MCMDC2: variants seen among roughly 807,000 people sequenced by gnomAD.
The protein encoded by MCMDC2 is minichromosome maintenance domain-containing protein 2.
A neutral mutation model predicts 75.8 loss-of-function variants in MCMDC2; 54 were observed. The ratio of observed to expected loss-of-function variants is 0.71; its 90% CI spans 0.57 to 0.89. The LOEUF (loss-of-function observed/expected upper bound fraction) is 0.89. Ranked by LOEUF, MCMDC2 falls within the 40% of genes least tolerant of loss-of-function variation. The probability of loss-of-function intolerance (pLI) is 0.00; values close to 1 mark genes in which losing one functional copy is unlikely to be tolerated. For synonymous variants in MCMDC2, 249 were observed against 274.6 expected (o/e 0.91, Z 0.92); for missense variants, 656 against 780.4 (o/e 0.84, Z 1.90).
chr8:66,894,405 A>G lies in MCMDC2; in HGVS notation c.1280-1765A>G, dbSNP rs185812627. Among the ~76,000 whole-genome samples the G allele has an allele frequency of 9.5e-4, 145 of 152,360 alleles. 1 individual carries two copies. Among genetic ancestry groups the G allele is most frequent in the African/African-American group, 3.2e-3 (135 of 41,590 alleles). ...GAAAATGACACAGGAGGAAAGGGAA[A>G]GATAGGGCAAATCCATAGTTCCTTG... is the stretch of plus-strand genomic sequence containing the variant. On this transcript the variant is annotated intron_variant, in intron 10 of 14. Coordinates refer to ENST00000422365, the MANE Select transcript of MCMDC2 (RefSeq NM_173518.5).
chr8:66,901,453 A>G, intron 13 of MCMDC2, 105 bp downstream of exon 13: 2 of 1,482,540 alleles, frequency 1.3e-6, no homozygotes, highest in Non-Finnish European at 1.8e-6. Flanking sequence ...CTTGATTGCT[A>G]GTTGGTTGGT....
chr8:66,874,613 C>T, intron 4 of MCMDC2, 27 bp downstream of exon 4: 1 of 1,585,516 alleles, frequency 6.3e-7, no homozygotes, highest in South Asian at 1.2e-5. Flanking sequence ...TTTAAGCAAA[C>T]TCAGGTACAG....
chr8:66,894,609 T>C (rs1812255847), intron 10 of MCMDC2, among the ~76,000 whole-genome samples: 1 of 152,232 alleles, frequency 6.6e-6, no homozygotes, highest in Admixed American at 6.5e-5. Context: ...TAAATGCCCA[T>C]ATATTTGCAT....
rs1035344967 is a variant in MCMDC2 at position 66,921,046 on chromosome 8, G to GCAAT, written c.*1880_*1883dup. 7.2e-5 allele frequency: 11 copies of GCAAT among 151,978 alleles called. No individual in the cohort carries two copies. Among genetic ancestry groups the GCAAT allele is most frequent in the African/African-American group, 2.7e-4 (11 of 41,364 alleles). 9.4% of individuals were successfully genotyped at this position (151,978 alleles called of 1,614,324 possible). On this transcript the variant is annotated 3_prime_UTR_variant, in exon 15 of 15. Transcript: ENST00000422365. ...GTCACCCAAGCTGTAGTGTACTGAT[G>GCAAT]CAATCATAGCTCACTGCCACCTTAA...
At chr8:66,883,652 T>C in intron 8 of MCMDC2, 105 bp from the exon 9 acceptor site, 1 of 666,490 alleles carries the variant, frequency 1.5e-6, no homozygotes, top group Non-Finnish European at 2.6e-6. Flanking sequence ...TATGGTATTA[T>C]TGGAACTATA....
rs912386300 is a variant in MCMDC2, at chr8:66,921,803, A to G, written c.*2634A>G. On this transcript the variant is annotated 3_prime_UTR_variant, in exon 15 of 15. Transcript: ENST00000422365. ...GACAGGGAACCTAGAGGTACAAGCA[A>G]TGTCTCCCCAGCTGTCAGCCTCAAT... 6.6e-6 allele frequency: 1 copy of G among 152,206 alleles called. No individual in the cohort carries two copies. Among genetic ancestry groups the G allele is most frequent in the Non-Finnish European group, 1.5e-5 (1 of 68,036 alleles). 9.4% of individuals were successfully genotyped at this position (152,206 alleles called of 1,614,324 possible). A position where few individuals can be genotyped will look rare whatever the true frequency, so the allele number is the denominator to read the frequency against.
chr8:66,899,463 T>A (rs767137122), intron 12 of MCMDC2, among the ~76,000 whole-genome samples: 3 of 152,146 alleles, frequency 2.0e-5, no homozygotes, highest in Non-Finnish European at 4.4e-5. Context: ...AGGATATACA[T>A]CCAATCCAGG....
chr8:66,885,927 G>C (rs1044628209), intron 9 of MCMDC2, among the ~76,000 whole-genome samples: 18 of 152,112 alleles, frequency 1.2e-4, no homozygotes, highest in African/African-American at 4.1e-4. Flanking sequence ...ATCCAATTGT[G>C]TACATCAGTA....
chr8:66,915,898 T>TTTTC (rs958771916), intron 14 of MCMDC2, among the ~76,000 whole-genome samples: 3 of 147,124 alleles, frequency 2.0e-5, no homozygotes, highest in African/African-American at 8.1e-5. Flanking sequence ...TGTTGTGTGA[T>TTTTC]TTTCTTTCTA....
chr8:66,882,036 G>C (rs1811594361), intron 8 of MCMDC2, among the ~76,000 whole-genome samples: 1 of 152,190 alleles, frequency 6.6e-6, no homozygotes, highest in Non-Finnish European at 1.5e-5. Flanking sequence ...TGTCATTATA[G>C]GGTGGTTTTA....
chr8:66,904,722 A>G (rs1812838673), intron 13 of MCMDC2, among the ~76,000 whole-genome samples: 1 of 152,188 alleles, frequency 6.6e-6, no homozygotes, highest in Non-Finnish European at 1.5e-5. Context: ...TGAAGCCATG[A>G]ATGCTAGGAG....
chr8:66,919,280 T>C lies in MCMDC2; in HGVS notation c.*111T>C. On this transcript the variant is annotated 3_prime_UTR_variant, in exon 15 of 15. Coordinates refer to ENST00000422365, the MANE Select transcript of MCMDC2 (RefSeq NM_173518.5). ...TGATAATACTCTGTACAGGAATATA[T>C]TACAATACTGTTTTTAAAAATATAA... The C allele has an allele frequency of 1.3e-6, 1 of 761,674 alleles. No homozygotes were observed. The highest frequency in any genetic ancestry group is 2.0e-6 in the Non-Finnish European group (1 of 511,618). 47.2% of individuals were successfully genotyped at this position (761,674 alleles called of 1,614,324 possible). A position where few individuals can be genotyped will look rare whatever the true frequency, so the allele number is the denominator to read the frequency against.
intron 8 of MCMDC2, among the ~76,000 whole-genome samples, chr8:66,881,616 G>C (rs915292627): frequency 2.0e-5 from 3 of 152,170 alleles, no homozygotes; most frequent in Admixed American, 6.5e-5. Context: ...AACCTGGGAG[G>C]CAGAGGTTGC....
At chr8:66,918,963 G>T in intron 14 of MCMDC2, 40 bp from the exon 15 acceptor site, 1 of 1,367,120 alleles carries the variant, frequency 7.3e-7, no homozygotes, top group East Asian at 2.8e-5. Flanking sequence ...TCATTTTAAG[G>T]AGTATTTGTC....
intron 14 of MCMDC2, among the ~76,000 whole-genome samples, chr8:66,914,477 A>AG (rs925567617): frequency 6.6e-6 from 1 of 152,144 alleles, no homozygotes; most frequent in Non-Finnish European, 1.5e-5. Context: ...GTCAAATTAG[A>AG]GGGGAACCAC....
chr8:66,878,153 A>G (rs922644608), intron 5 of MCMDC2, among the ~76,000 whole-genome samples: 13 of 152,072 alleles, frequency 8.5e-5, no homozygotes, highest in Non-Finnish European at 1.3e-4. Context: ...GCTTAACTTC[A>G]GTTTAGTCCT....
intron 14 of MCMDC2, among the ~76,000 whole-genome samples, chr8:66,908,447 T>C (rs1812987312): frequency 6.6e-6 from 1 of 152,250 alleles, no homozygotes; most frequent in Non-Finnish European, 1.5e-5. Context: ...AGACACATTA[T>C]TTTATGTGCT....
downstream of MCMDC2, chr8:66,922,379 C>CA: frequency 2.5e-6 from 1 of 400,836 alleles, no homozygotes; most frequent in Non-Finnish European, 5.1e-6. Flanking sequence ...CATTCATCTA[C>CA]AGCAACCTAT....
Position 66,905,409 on chromosome 8 carries a change from T to C in MCMDC2, c.1879+74T>C, listed in dbSNP as rs1044064771. On this transcript the variant is annotated intron_variant, in intron 14 of 14. Coordinates refer to ENST00000422365, the MANE Select transcript of MCMDC2 (RefSeq NM_173518.5). ...CTTAAATATTCTTAGTTGGTTAAATTAAAATGTTACATATATTTTTAAAAT... is the reference window on the plus strand; with the variant it reads ...CTTAAATATTCTTAGTTGGTTAAATCAAAATGTTACATATATTTTTAAAAT... The C allele has an allele frequency of 5.1e-6, 6 of 1,172,746 alleles. No individual in the cohort carries two copies. The Admixed American group carries it at 2.3e-4, about 45-fold the overall frequency. 72.6% of individuals were successfully genotyped at this position (1,172,746 alleles called of 1,614,324 possible).
Sources: allele counts gnomAD v4.1 joint callset (sites outside exome capture counted in the v4.1 genomes callset), GRCh38; gene constraint gnomAD v4.1.1; transcripts MANE v1.5; gene names NCBI Gene and HGNC (gene_info 2026-07-23, HGNC 2026-07-21).